Variants in ZEB2 observed in about 807,000 individuals in gnomAD.
ZEB2 encodes zinc finger E-box binding homeobox 2.
A neutral mutation model predicts 99.9 loss-of-function variants in ZEB2; 6 were observed. The observed-to-expected ratio is 0.06, with a 90% CI of 0.03 to 0.12. The LOEUF (loss-of-function observed/expected upper bound fraction) is 0.12, where lower values mean the gene tolerates loss of function less well. Among genes scored for constraint, ZEB2 ranks in the 10% least tolerant of loss-of-function variants. The pLI is 1.00. For missense variants in ZEB2, 969 were observed against 1,502.8 expected (o/e 0.64, Z 5.87); for synonymous variants, 517 against 542.5 (o/e 0.95, Z 0.65).
In ZEB2 at chr2:144,478,556, C is replaced by T. The variant is rs551597427; in HGVS notation, c.73+38722G>A. Among the ~76,000 whole-genome samples, 6 of 152,278 alleles carry T rather than the reference C, an allele frequency of 3.9e-5. No homozygotes were observed. In the South Asian group the frequency reaches 1.2e-3, roughly 32 times the overall value. Reference sequence around the variant, plus strand: ...GCTACCAAGTTAATTCCTGAGCTTGCTTATCAGGTACAAGTCCAAATTTCA... The same window carrying T: ...GCTACCAAGTTAATTCCTGAGCTTGTTTATCAGGTACAAGTCCAAATTTCA... On this transcript the variant is annotated intron_variant, in intron 2 of 9. Coordinates refer to ENST00000627532, the MANE Select transcript of ZEB2 (RefSeq NM_014795.4).
intron 1 of ZEB2, chr2:144,518,635 G>C (rs1705209912): frequency 6.6e-6 from 1 of 152,166 alleles, no homozygotes. Context: ...CAGAGAGAAG[G>C]GGAAGTGGAT....
At chr2:144,467,320 C>T (rs1704286116) in intron 2 of ZEB2, among the ~76,000 whole-genome samples, 1 of 152,044 alleles carries the variant, frequency 6.6e-6, no homozygotes, top group African/African-American at 2.4e-5. Context: ...CTGCTCAAAT[C>T]ATGTGGAATG....
chr2:144,508,034 A>G (rs962626337), intron 2 of ZEB2, among the ~76,000 whole-genome samples: 1 of 152,202 alleles, frequency 6.6e-6, no homozygotes, highest in African/African-American at 2.4e-5. Flanking sequence ...AGTGTTCAAA[A>G]AGTAATTTTA....
intron 2 of ZEB2, among the ~76,000 whole-genome samples, chr2:144,435,586 G>A (rs560917368): frequency 5.3e-4 from 78 of 147,992 alleles, no homozygotes; most frequent in African/African-American, 1.8e-3. Flanking sequence ...GCAACAGAAT[G>A]AGACCCTGTC....
Position 144,389,865 on chromosome 2 carries a change from C to T in ZEB2, c.3231G>A (p.Arg1077=). ...CCGCCTCCCGCTTGCAGTAGGAATA[C>T]CTGTGATTCATGTGCTGCGAGTACG... ...SGSYSQHMNH[R]YSYCKREAEE... Residue 1077 remains arginine, a synonymous_variant, in exon 10 of 10, where the codon AGG becomes AGA. Transcript: ENST00000627532. This position sits in a 1 kb window ranked among gnomAD's most constrained non-coding sequence, Gnocchi z 6.8. The T allele has an allele frequency of 6.2e-7, 1 of 1,613,958 alleles. No homozygotes were observed. The highest frequency in any genetic ancestry group is 8.5e-7 in the Non-Finnish European group (1 of 1,180,042).
chr2:144,387,053 A>ATG lies in ZEB2; in HGVS notation c.*2397_*2398insCA, dbSNP rs1703095082. 6.8e-6 allele frequency: 1 copy of ATG among 146,612 alleles called. No individual in the cohort carries two copies. Among genetic ancestry groups the ATG allele is most frequent in the Non-Finnish European group, 1.5e-5 (1 of 66,610 alleles). The allele number at this position is 146,612 out of a possible 1,614,324, so 9.1% of individuals were successfully genotyped here. A position where few individuals can be genotyped will look rare whatever the true frequency, so the allele number is the denominator to read the frequency against. On this transcript the variant is annotated 3_prime_UTR_variant, in exon 10 of 10. Transcript: ENST00000627532. ...TGTGTATGTGTGTGTGTGTATATATATATATATATACACACACACACATAC... is the reference window on the plus strand; with the variant it reads ...TGTGTATGTGTGTGTGTGTATATATATGTATATATATACACACACACACATAC...
intron 8 of ZEB2, chr2:144,397,964 G>A (rs1401674186): frequency 2.8e-6 from 1 of 359,380 alleles, no homozygotes; most frequent in Non-Finnish European, 5.4e-6. Flanking sequence ...AAAAGCACGT[G>A]ACGGTTATAA....
At chr2:144,396,183 T>C (rs566500789) in intron 9 of ZEB2, among the ~76,000 whole-genome samples, 1 of 152,294 alleles carries the variant, frequency 6.6e-6, no homozygotes, top group East Asian at 1.9e-4. Context: ...CTAAATTTGG[T>C]TTACAGAATA....
intron 2 of ZEB2, among the ~76,000 whole-genome samples, chr2:144,447,702 T>G (rs1390391738): frequency 6.6e-6 from 1 of 152,200 alleles, no homozygotes; most frequent in Non-Finnish European, 1.5e-5. Flanking sequence ...CGTAGCTGAG[T>G]AAGGGACTGC....
intron 2 of ZEB2, among the ~76,000 whole-genome samples, chr2:144,478,269 G>A (rs1338379245): frequency 6.6e-6 from 1 of 152,230 alleles, no homozygotes; most frequent in Non-Finnish European, 1.5e-5. Context: ...AGGACACTTA[G>A]AGCATGAATA....
chr2:144,400,773 C>CTG (rs1353760209), intron 7 of ZEB2, among the ~76,000 whole-genome samples: 3 of 152,138 alleles, frequency 2.0e-5, no homozygotes, highest in Non-Finnish European at 4.4e-5. Context: ...TTCTGTGATC[C>CTG]ACGGCCCTCA....
chr2:144,457,050 T>C (rs911140643), intron 2 of ZEB2, among the ~76,000 whole-genome samples: 11 of 152,164 alleles, frequency 7.2e-5, no homozygotes, highest in African/African-American at 2.2e-4. Context: ...TAAATGCATA[T>C]AGAAGACAAT....
intron 2 of ZEB2, among the ~76,000 whole-genome samples, chr2:144,480,738 AAAG>A (rs1411107735): frequency 0.19 from 5,715 of 29,486 alleles, 324 homozygotes; most frequent in African/African-American, 0.31. Flanking sequence ...AAAAAAAAAA[AAAG>A]AAAAAAAAGG....
chr2:144,401,300 A>G lies in ZEB2; in HGVS notation c.815T>C (p.Met272Thr), dbSNP rs1316130059. 6.2e-7 allele frequency: 1 copy of G among 1,614,062 alleles called. No individual in the cohort carries two copies. The highest frequency in any genetic ancestry group is 2.2e-5 in the East Asian group (1 of 44,868). ...THKPGTDQHQ[M>T]LTQGAGNRKF... ...GCGATTACCTGCTCCTTGGGTTAGC[A>G]TTTGGTGCTATAAAAGGAGAAAGAC... The change falls in exon 7 of 10, where the codon ATG becomes ACG. Residue 272 changes from methionine (M) to threonine (T), a missense_variant. Met to Thr is a moderately conservative substitution (Grantham distance 81, BLOSUM62 -1). Transcript: ENST00000627532.
At chr2:144,458,491 G>T (rs765763973) in intron 2 of ZEB2, among the ~76,000 whole-genome samples, 15 of 151,836 alleles carry the variant, frequency 9.9e-5, no homozygotes, top group South Asian at 4.2e-4. Flanking sequence ...TATTCACCTT[G>T]GAATGATATA....
At chr2:144,472,477 T>C (rs190970219) in intron 2 of ZEB2, among the ~76,000 whole-genome samples, 2 of 152,194 alleles carry the variant, frequency 1.3e-5, no homozygotes, top group East Asian at 1.9e-4. Flanking sequence ...TGAGATATGA[T>C]AATAATACTA....
chr2:144,495,779 A>G (rs1011405596), intron 2 of ZEB2: 10 of 152,174 alleles, frequency 6.6e-5, no homozygotes, highest in African/African-American at 2.4e-4. Context: ...GCACTCTACA[A>G]TTTGTCTCTA....
chr2:144,412,302 A>G (rs780864668), intron 4 of ZEB2, among the ~76,000 whole-genome samples: 3 of 152,232 alleles, frequency 2.0e-5, no homozygotes, highest in Non-Finnish European at 4.4e-5. Context: ...AATATAGACA[A>G]TATGCACTTG....
intron 8 of ZEB2, 37 bp downstream of exon 8, chr2:144,398,262 CCT>C: frequency 6.2e-7 from 1 of 1,610,606 alleles, no homozygotes; most frequent in Non-Finnish European, 8.5e-7. Flanking sequence ...ATAATTGCCA[CCT>C]CTTTTCTTCA....
Sources: gnomAD v4.1 joint callset for allele counts (sites outside exome capture counted in the v4.1 genomes callset) on GRCh38, gnomAD v4.1.1 for gene constraint, Gnocchi (gnomAD v3.1) non-coding constraint, MANE v1.5 for transcripts, NCBI Gene and HGNC (gene_info 2026-07-23, HGNC 2026-07-21) for gene names.